Variants in SPRR2G observed in about 807,000 individuals in gnomAD.
SPRR2G encodes small proline-rich protein 2G.
SPRR2G carries 1 observed loss-of-function variant against 0.7 expected under a neutral mutation model. That is an observed-to-expected ratio of 1.49 (90% CI 0.53 to 7.06). The LOEUF (loss-of-function observed/expected upper bound fraction) is 7.06. Among genes scored for constraint, SPRR2G ranks in the 30% most tolerant of loss-of-function variants. SPRR2G has a pLI of 0.14. For synonymous variants in SPRR2G, 38 were observed against 33.9 expected, an observed-to-expected ratio of 1.12 and a Z score of -0.42; for missense variants, 96 against 88.5, an observed-to-expected ratio of 1.09 and a Z score of -0.34.
At chr1:153,175,485 C>A in the SPRR2G span, among the ~76,000 whole-genome samples, 1 of 152,176 alleles carries the variant, frequency 6.6e-6, no homozygotes, top group South Asian at 2.1e-4. Flanking sequence ...GTTCGTTCTT[C>A]CCTCCCAGCC....
At chr1:153,157,256 G>A in the SPRR2G span, among the ~76,000 whole-genome samples, 2 of 152,104 alleles carry the variant, frequency 1.3e-5, no homozygotes, top group African/African-American at 4.8e-5. Flanking sequence ...ATTTTGTTAA[G>A]TGTGATGATC....
chr1:153,172,056 A>G, the SPRR2G span, among the ~76,000 whole-genome samples: 1 of 152,120 alleles, frequency 6.6e-6, no homozygotes, highest in Non-Finnish European at 1.5e-5. Flanking sequence ...AATTGGAGCG[A>G]CCTACAGCTT....
upstream of SPRR2G, among the ~76,000 whole-genome samples, chr1:153,151,894 T>C (rs2101648448): frequency 6.6e-6 from 1 of 152,348 alleles, no homozygotes; most frequent in Non-Finnish European, 1.5e-5. Context: ...TAGTATAGCT[T>C]ATTTAACCAT....
At chr1:153,164,610 T>C in the SPRR2G span, among the ~76,000 whole-genome samples, 3 of 152,196 alleles carry the variant, frequency 2.0e-5, no homozygotes, top group Admixed American at 2.0e-4. Context: ...TCACATAGTG[T>C]TTGTATATAA....
chr1:153,165,774 TA>T, the SPRR2G span, among the ~76,000 whole-genome samples: 1 of 152,206 alleles, frequency 6.6e-6, no homozygotes, highest in Non-Finnish European at 1.5e-5. Flanking sequence ...CCACAGGTGA[TA>T]AGCAACGCCT....
At chr1:153,193,466 A>G in the SPRR2G span, among the ~76,000 whole-genome samples, 1 of 152,196 alleles carries the variant, frequency 6.6e-6, no homozygotes, top group African/African-American at 2.4e-5. Context: ...ACGCACACAC[A>G]TGCACACATG....
At chr1:153,196,003 G>A in the SPRR2G span, among the ~76,000 whole-genome samples, 13 of 152,166 alleles carry the variant, frequency 8.5e-5, no homozygotes, top group African/African-American at 2.7e-4. Context: ...CTTCCTGGGG[G>A]CCAGGTGTAC....
chr1:153,178,893 T>C, the SPRR2G span, among the ~76,000 whole-genome samples: 2 of 152,204 alleles, frequency 1.3e-5, no homozygotes, highest in African/African-American at 4.8e-5. Flanking sequence ...CAGTTAATCC[T>C]TTTGGACCTG....
chr1:153,186,368 TAAG>T, the SPRR2G span, among the ~76,000 whole-genome samples: 1 of 152,234 alleles, frequency 6.6e-6, no homozygotes, highest in Non-Finnish European at 1.5e-5. Flanking sequence ...TGAATGTCTC[TAAG>T]AACTTGCTTT....
At chr1:153,165,412 A>T in the SPRR2G span, among the ~76,000 whole-genome samples, 1 of 152,336 alleles carries the variant, frequency 6.6e-6, no homozygotes, top group South Asian at 2.1e-4. Flanking sequence ...CAGCTAGATT[A>T]TGACAGACAG....
At chr1:153,188,645 C>T in the SPRR2G span, among the ~76,000 whole-genome samples, 3 of 152,308 alleles carry the variant, frequency 2.0e-5, no homozygotes, top group Admixed American at 6.5e-5. Context: ...AAGATCACTT[C>T]GCTCCCTGGC....
At chr1:153,202,727 C>CTTAT in the SPRR2G span, among the ~76,000 whole-genome samples, 1 of 152,316 alleles carries the variant, frequency 6.6e-6, no homozygotes, top group South Asian at 2.1e-4. Context: ...ATACCTTAGG[C>CTTAT]ATAATCATGT....
At chr1:153,164,007 T>A in the SPRR2G span, among the ~76,000 whole-genome samples, 7 of 152,210 alleles carry the variant, frequency 4.6e-5, no homozygotes, top group African/African-American at 1.2e-4. Flanking sequence ...CGTTTCATAC[T>A]AATATATAGT....
At chr1:153,177,098 G>C in the SPRR2G span, among the ~76,000 whole-genome samples, 1 of 152,014 alleles carries the variant, frequency 6.6e-6, no homozygotes, top group African/African-American at 2.4e-5. Context: ...TATATACATA[G>C]AATCATACAG....
the SPRR2G span, among the ~76,000 whole-genome samples, chr1:153,202,808 T>C: frequency 6.6e-6 from 1 of 152,128 alleles, no homozygotes; most frequent in South Asian, 2.1e-4. Context: ...TAAACCTGAG[T>C]TCAGGCACCC....
chr1:153,188,261 G>C, the SPRR2G span, among the ~76,000 whole-genome samples: 1 of 152,270 alleles, frequency 6.6e-6, no homozygotes, highest in Non-Finnish European at 1.5e-5. Context: ...CTGTCTTCAG[G>C]GCTGGCAGGC....
chr1:153,171,167 G>C, the SPRR2G span, among the ~76,000 whole-genome samples: 1 of 152,132 alleles, frequency 6.6e-6, no homozygotes, highest in Non-Finnish European at 1.5e-5. Flanking sequence ...ATCTTCATTG[G>C]TTTAGCCTAA....
At chr1:153,168,467 T>C in the SPRR2G span, among the ~76,000 whole-genome samples, 1 of 152,240 alleles carries the variant, frequency 6.6e-6, no homozygotes, top group African/African-American at 2.4e-5. Flanking sequence ...TGTACCTATA[T>C]TTTGGCATTT....
chr1:153,181,970 T>C, the SPRR2G span, among the ~76,000 whole-genome samples: 1 of 152,182 alleles, frequency 6.6e-6, no homozygotes, highest in African/African-American at 2.4e-5. Context: ...ATGGTAGTTC[T>C]ATTTTTAGTT....
Sources: gnomAD v4.1 joint callset for allele counts (sites outside exome capture counted in the v4.1 genomes callset) on GRCh38, gnomAD v4.1.1 for gene constraint, MANE v1.5 for transcripts, NCBI Gene and HGNC (gene_info 2026-07-23, HGNC 2026-07-21) for gene names.